EPHA3: variants seen among roughly 807,000 people sequenced by gnomAD.
The protein encoded by EPHA3 is ephrin type-A receptor 3.
Under a neutral mutation model 107.1 loss-of-function variants are expected in EPHA3, and 42 were observed. The ratio of observed to expected loss-of-function variants is 0.39; its 90% CI spans 0.31 to 0.51. The LOEUF is 0.51. Among genes scored for constraint, EPHA3 ranks in the 20% least tolerant of loss-of-function variants. The probability of loss-of-function intolerance (pLI) is 0.78; values close to 1 mark genes in which losing one functional copy is unlikely to be tolerated. For missense variants in EPHA3, 1,183 were observed against 1,211.2 expected (o/e 0.98, Z 0.35); for synonymous variants, 461 against 424.8 (o/e 1.09, Z -1.05).
intron 2 of EPHA3, among the ~76,000 whole-genome samples, chr3:89,134,665 C>T (rs749552568): frequency 6.6e-6 from 1 of 152,104 alleles, no homozygotes; most frequent in Non-Finnish European, 1.5e-5. Flanking sequence ...GTGAATAGTG[C>T]CGCAGCTTTC....
intron 1 of EPHA3, among the ~76,000 whole-genome samples, chr3:89,111,798 A>G (rs560589468): frequency 3.5e-4 from 53 of 152,240 alleles, no homozygotes; most frequent in Non-Finnish European, 5.9e-4. Flanking sequence ...TTGAGTGGTG[A>G]AAAGGTTCAC....
At chr3:89,375,347 G>A (rs1455383109) in intron 5 of EPHA3, among the ~76,000 whole-genome samples, 3 of 151,760 alleles carry the variant, frequency 2.0e-5, no homozygotes, top group African/African-American at 7.3e-5. Flanking sequence ...TTGAATATAG[G>A]TTGTTTATTT....
intron 3 of EPHA3, among the ~76,000 whole-genome samples, chr3:89,220,025 C>A (rs1379274537): frequency 6.6e-6 from 1 of 151,982 alleles, no homozygotes; most frequent in Non-Finnish European, 1.5e-5. Context: ...ATTTTTGGTT[C>A]TCACAGCTGA....
chr3:89,143,076 G>A (rs540146762), intron 2 of EPHA3, among the ~76,000 whole-genome samples: 20 of 150,756 alleles, frequency 1.3e-4, no homozygotes, highest in Non-Finnish European at 2.2e-4. Flanking sequence ...AAAATGAAAA[G>A]GTTACCTGTA....
chr3:89,386,214 C>T (rs886477990), intron 5 of EPHA3, among the ~76,000 whole-genome samples: 2 of 152,066 alleles, frequency 1.3e-5, no homozygotes, highest in African/African-American at 4.8e-5. Flanking sequence ...TAATAAGGAG[C>T]CAAATATTAA....
intron 10 of EPHA3, among the ~76,000 whole-genome samples, chr3:89,416,566 G>T (rs1485977424): frequency 6.6e-5 from 10 of 151,210 alleles, no homozygotes; most frequent in Non-Finnish European, 1.3e-4. Context: ...TATTTTCAGA[G>T]TTGTAATAAC....
rs77385816 is a variant in EPHA3, at chr3:89,301,191, C to T, written c.815-39725C>T. ...ACCAAGGAAGTATTCTCATGTGGCTCATAAAATGTCTCTCATGGCGATGCA... is the reference window on the plus strand; with the variant it reads ...ACCAAGGAAGTATTCTCATGTGGCTTATAAAATGTCTCTCATGGCGATGCA... On this transcript the variant is annotated intron_variant, in intron 3 of 16. Coordinates refer to ENST00000336596, the MANE Select transcript of EPHA3 (RefSeq NM_005233.6). Among the ~76,000 whole-genome samples the T allele has an allele frequency of 1.1e-3, 162 of 152,144 alleles. 1 individual carries two copies. The highest frequency in any genetic ancestry group is 3.8e-3 in the African/African-American group (156 of 41,548).
At chr3:89,166,728 C>T (rs985202045) in intron 2 of EPHA3, among the ~76,000 whole-genome samples, 14 of 151,888 alleles carry the variant, frequency 9.2e-5, no homozygotes, top group Admixed American at 3.9e-4. Context: ...TCAGAAATGT[C>T]GTACTCTCAG....
intron 1 of EPHA3, among the ~76,000 whole-genome samples, chr3:89,118,803 G>T (rs1175095540): frequency 1.3e-5 from 2 of 151,854 alleles, no homozygotes; most frequent in African/African-American, 4.8e-5. Context: ...AATGCTCTGT[G>T]CTCTTGAAGA....
At chr3:89,446,492 A>C (rs572201386) in intron 13 of EPHA3, among the ~76,000 whole-genome samples, 2 of 152,314 alleles carry the variant, frequency 1.3e-5, no homozygotes, top group African/African-American at 4.8e-5. Context: ...ACTTAAAATG[A>C]AACAACTCTT....
intron 2 of EPHA3, among the ~76,000 whole-genome samples, chr3:89,191,955 G>A (rs1243601557): frequency 6.6e-6 from 1 of 152,170 alleles, no homozygotes; most frequent in East Asian, 1.9e-4. Flanking sequence ...AGGTAAAGTA[G>A]TCATAAAATG....
chr3:89,141,279 C>T (rs927799223), intron 2 of EPHA3, among the ~76,000 whole-genome samples: 3 of 151,486 alleles, frequency 2.0e-5, no homozygotes, highest in Non-Finnish European at 3.0e-5. Flanking sequence ...AGGATGTTTA[C>T]TCCATGGACT....
intron 5 of EPHA3, among the ~76,000 whole-genome samples, chr3:89,348,842 C>G (rs1707737693): frequency 7.1e-6 from 1 of 141,840 alleles, no homozygotes. Context: ...TTTCAAAGAA[C>G]ATCTTTATTT....
chr3:89,387,658 C>T (rs1708648205), intron 5 of EPHA3, among the ~76,000 whole-genome samples: 1 of 151,998 alleles, frequency 6.6e-6, no homozygotes, highest in African/African-American at 2.4e-5. Context: ...TGCTCTAATT[C>T]TGTGAGGATA....
At chr3:89,316,510 ATATATAT>A (rs1559644355) in intron 3 of EPHA3, among the ~76,000 whole-genome samples, 6 of 90,176 alleles carry the variant, frequency 6.7e-5, no homozygotes, top group African/African-American at 2.6e-4. Context: ...TGTGTAATAT[ATATATAT>A]ATATATATAT....
chr3:89,201,308 C>T (rs1705962603), intron 2 of EPHA3, among the ~76,000 whole-genome samples: 1 of 152,130 alleles, frequency 6.6e-6, no homozygotes, highest in Non-Finnish European at 1.5e-5. Context: ...CCAGGTCCCT[C>T]CCCCAACATT....
At chr3:89,197,483 A>G (rs945344732) in intron 2 of EPHA3, among the ~76,000 whole-genome samples, 3 of 152,080 alleles carry the variant, frequency 2.0e-5, no homozygotes, top group African/African-American at 7.2e-5. Context: ...TATAGAATAT[A>G]TCTCTTGACG....
chr3:89,169,360 A>G (rs1186812205), intron 2 of EPHA3, among the ~76,000 whole-genome samples: 1 of 152,168 alleles, frequency 6.6e-6, no homozygotes, highest in Admixed American at 6.6e-5. Context: ...TTACACAGGC[A>G]CATAGTAGTT....
intron 3 of EPHA3, among the ~76,000 whole-genome samples, chr3:89,254,115 T>G (rs1705224249): frequency 6.6e-6 from 1 of 152,190 alleles, no homozygotes; most frequent in Non-Finnish European, 1.5e-5. Flanking sequence ...CGAGTTTATA[T>G]GTTATTCTAT....
Sources: gnomAD v4.1 joint callset for allele counts (sites outside exome capture counted in the v4.1 genomes callset) on GRCh38, gnomAD v4.1.1 for gene constraint, MANE v1.5 for transcripts, NCBI Gene and HGNC (gene_info 2026-07-23, HGNC 2026-07-21) for gene names.